CADM2: variants seen among roughly 807,000 people sequenced by gnomAD.
CADM2 encodes cell adhesion molecule 2.
Under a neutral mutation model 49.8 loss-of-function variants are expected in CADM2, and 12 were observed. The observed-to-expected ratio is 0.24, with a 90% CI of 0.15 to 0.39. The LOEUF (loss-of-function observed/expected upper bound fraction) is 0.39, where lower values mean the gene tolerates loss of function less well. Ranked by LOEUF, CADM2 falls within the 10% of genes least tolerant of loss-of-function variation. The pLI, the probability that CADM2 is intolerant of heterozygous loss-of-function variation, is 1.00. For missense variants in CADM2, 378 were observed against 492.3 expected (o/e 0.77, Z 2.20); for synonymous variants, 214 against 175.4 (o/e 1.22, Z -1.74).
chr3:85,115,088 C>A (rs2038595462), intron 1 of CADM2, among the ~76,000 whole-genome samples: 1 of 152,068 alleles, frequency 6.6e-6, no homozygotes, highest in African/African-American at 2.4e-5. Context: ...GAAAGAAGAG[C>A]CAATGATGAT....
intron 1 of CADM2, among the ~76,000 whole-genome samples, chr3:85,240,437 G>A (rs771268871): frequency 6.6e-6 from 1 of 151,272 alleles, no homozygotes; most frequent in Non-Finnish European, 1.5e-5. Flanking sequence ...AATGATTATT[G>A]CTCATAAAAT....
intron 1 of CADM2, among the ~76,000 whole-genome samples, chr3:85,212,897 T>TCTCTCTCTCTCTCTCTCTCTC (rs2041834022): frequency 6.2e-5 from 9 of 145,134 alleles, no homozygotes; most frequent in Admixed American, 2.8e-4. Flanking sequence ...TCTTTCTTTC[T>TCTCTCTCTCTCTCTCTCTCTC]TTTAATGGAG....
At chr3:85,927,347 A>AT (rs565965878) in intron 6 of CADM2, among the ~76,000 whole-genome samples, 130 of 152,298 alleles carry the variant, frequency 8.5e-4, no homozygotes, top group African/African-American at 3.1e-3. Context: ...ATAAGCATGC[A>AT]TCCTAGGAAT....
In CADM2 at chr3:85,266,109, C is replaced by T. The variant is rs918637063; in HGVS notation, c.61+306441C>T. 1.4e-4 allele frequency among the ~76,000 whole-genome samples: 21 copies of T among 151,962 alleles called. No homozygotes were observed. The Middle Eastern group carries it at 0.01, about 74-fold the overall frequency. On this transcript the variant is annotated intron_variant, in intron 1 of 9. Coordinates refer to ENST00000383699, the MANE Select transcript of CADM2 (RefSeq NM_001167675.2). The stretch of plus-strand genomic sequence containing the variant: ...GCATAAATGTCTCGATTCTTCATCA[C>T]GCTATGCTCTGTTACCTGTCTGTAG...
chr3:85,106,270 A>C (rs1192240461), intron 1 of CADM2, among the ~76,000 whole-genome samples: 1 of 152,136 alleles, frequency 6.6e-6, no homozygotes, highest in Non-Finnish European at 1.5e-5. Flanking sequence ...GTAAATGTGA[A>C]TGGGGCAGAT....
chr3:85,346,709 A>T lies in CADM2; in HGVS notation c.62-379813A>T, dbSNP rs187475702. 3.9e-4 allele frequency among the ~76,000 whole-genome samples: 59 copies of T among 152,330 alleles called. No individual in the cohort carries two copies. The East Asian group carries it at 9.7e-3, about 25-fold the overall frequency. On this transcript the variant is annotated intron_variant, in intron 1 of 9. Coordinates refer to ENST00000383699, the MANE Select transcript of CADM2 (RefSeq NM_001167675.2). ...TCTCTTAAAAATCTTCAAAACTTTA[A>T]AAATATACATAAAAATACGAAATGT...
In CADM2 at chr3:85,946,805, T is replaced by C. The variant is rs1032740794; in HGVS notation, c.791+10948T>C. Among the ~76,000 whole-genome samples, 34 of 152,218 alleles carry C rather than the reference T, an allele frequency of 2.2e-4. 1 individual carries two copies. Among genetic ancestry groups the C allele is most frequent in the African/African-American group, 7.7e-4 (32 of 41,548 alleles). On this transcript the variant is annotated intron_variant, in intron 7 of 9. Coordinates refer to ENST00000383699, the MANE Select transcript of CADM2 (RefSeq NM_001167675.2). ...TATACAAAAATCAATTCAAGATGGA[T>C]TAAAGACTTAAACGTTAGACCTAAA...
At chr3:84,966,279 C>G (rs1421564113) in intron 1 of CADM2, among the ~76,000 whole-genome samples, 1 of 151,978 alleles carries the variant, frequency 6.6e-6, no homozygotes, top group Non-Finnish European at 1.5e-5. Flanking sequence ...TCCACAGTCA[C>G]TTATTTATAT....
At chr3:85,617,911 A>C (rs1272778724) in intron 1 of CADM2, among the ~76,000 whole-genome samples, 2 of 152,232 alleles carry the variant, frequency 1.3e-5, no homozygotes, top group Non-Finnish European at 2.9e-5. Flanking sequence ...ACATATTATA[A>C]TGAAAGCAAA....
intron 1 of CADM2, among the ~76,000 whole-genome samples, chr3:85,098,806 A>T (rs2037902944): frequency 6.6e-6 from 1 of 152,160 alleles, no homozygotes; most frequent in South Asian, 2.1e-4. Context: ...TTTTTGATCC[A>T]TGTTTGGTTG....
At chr3:85,280,843 A>T (rs927898695) in intron 1 of CADM2, among the ~76,000 whole-genome samples, 15 of 152,022 alleles carry the variant, frequency 9.9e-5, no homozygotes, top group African/African-American at 3.1e-4. Flanking sequence ...AAAATACAAC[A>T]AATAAAAAGT....
At chr3:85,364,715 C>T (rs1049597429) in intron 1 of CADM2, among the ~76,000 whole-genome samples, 5 of 152,114 alleles carry the variant, frequency 3.3e-5, no homozygotes, top group African/African-American at 1.2e-4. Context: ...GGTTCAAGTT[C>T]AGTTAGGTCA....
intron 1 of CADM2, among the ~76,000 whole-genome samples, chr3:85,386,407 G>T (rs139778951): frequency 2.0e-5 from 3 of 152,242 alleles, no homozygotes; most frequent in African/African-American, 7.2e-5. Context: ...CAACTAGATA[G>T]GGCAACTGAG....
At chr3:85,405,608 C>T (rs1429447534) in intron 1 of CADM2, among the ~76,000 whole-genome samples, 4 of 152,066 alleles carry the variant, frequency 2.6e-5, no homozygotes, top group African/African-American at 9.7e-5. Flanking sequence ...TTGAGATCAA[C>T]GTTGACCTCA....
intron 2 of CADM2, among the ~76,000 whole-genome samples, chr3:85,749,419 C>G (rs2068767883): frequency 6.6e-6 from 1 of 152,034 alleles, no homozygotes; most frequent in South Asian, 2.1e-4. Context: ...TTTACTTTCA[C>G]AGCATAACCC....
At chr3:85,714,597 T>G (rs2067223742) in intron 1 of CADM2, among the ~76,000 whole-genome samples, 1 of 151,784 alleles carries the variant, frequency 6.6e-6, no homozygotes, top group Admixed American at 6.6e-5. Context: ...CGGCTAATTT[T>G]TTTGTATTTT....
At chr3:85,506,471 G>A (rs565453948) in intron 1 of CADM2, among the ~76,000 whole-genome samples, 2 of 152,120 alleles carry the variant, frequency 1.3e-5, no homozygotes, top group African/African-American at 4.8e-5. Flanking sequence ...TTAAAATTCA[G>A]CAGCATGTGT....
chr3:85,400,386 T>A (rs192229643), intron 1 of CADM2, among the ~76,000 whole-genome samples: 1 of 152,324 alleles, frequency 6.6e-6, no homozygotes, highest in East Asian at 1.9e-4. Flanking sequence ...TCAATGTTCA[T>A]CAGGGATATT....
At chr3:85,463,931 T>C (rs1411887588) in intron 1 of CADM2, among the ~76,000 whole-genome samples, 1 of 152,120 alleles carries the variant, frequency 6.6e-6, no homozygotes, top group East Asian at 1.9e-4. Context: ...AGATCCAAGG[T>C]TATTGGGGTA....
Sources: gnomAD v4.1 joint callset for allele counts (sites outside exome capture counted in the v4.1 genomes callset) on GRCh38, gnomAD v4.1.1 for gene constraint, MANE v1.5 for transcripts, NCBI Gene and HGNC (gene_info 2026-07-23, HGNC 2026-07-21) for gene names.